AQR: variants seen among roughly 807,000 people sequenced by gnomAD.
The protein encoded by AQR is aquarius intron-binding spliceosomal factor.
In AQR, 61 loss-of-function variants were observed where a neutral mutation model predicts 180.5. The ratio of observed to expected loss-of-function variants is 0.34; its 90% CI spans 0.28 to 0.42. The LOEUF (loss-of-function observed/expected upper bound fraction) is 0.42, where lower values mean the gene tolerates loss of function less well. Ranked by LOEUF, AQR falls within the 10% of genes least tolerant of loss-of-function variation. The pLI, the probability that AQR is intolerant of heterozygous loss-of-function variation, is 1.00. For missense variants in AQR, 1,281 were observed against 1,798.3 expected (o/e 0.71, Z 5.20); for synonymous variants, 551 against 588.8 (o/e 0.94, Z 0.93).
chr15:34,952,809 C>G (rs183037799), intron 4 of AQR, 76 bp downstream of exon 4: 2 of 1,052,690 alleles, frequency 1.9e-6, no homozygotes, highest in Admixed American at 5.3e-5. Flanking sequence ...TAGTGACTCA[C>G]AGAAATAACA....
At chr15:34,889,229 T>C (rs1363630840) in intron 24 of AQR, among the ~76,000 whole-genome samples, 2 of 152,220 alleles carry the variant, frequency 1.3e-5, no homozygotes, top group African/African-American at 4.8e-5. Flanking sequence ...ATTAAGAATA[T>C]AGAGCCCTAA....
intron 7 of AQR, among the ~76,000 whole-genome samples, chr15:34,941,576 A>C (rs953967915): frequency 3.3e-5 from 5 of 152,210 alleles, no homozygotes; most frequent in Non-Finnish European, 5.9e-5. Flanking sequence ...GTTTTAACTA[A>C]ACTACCTAAG....
intron 2 of AQR, among the ~76,000 whole-genome samples, chr15:34,963,624 T>C (rs918442099): frequency 1.3e-5 from 2 of 151,934 alleles, no homozygotes; most frequent in African/African-American, 4.8e-5. Flanking sequence ...TAAGAATCTA[T>C]AAACAGAAAA....
At chr15:34,860,676 T>C (rs1227624994) in intron 33 of AQR, among the ~76,000 whole-genome samples, 1 of 152,182 alleles carries the variant, frequency 6.6e-6, no homozygotes, top group African/African-American at 2.4e-5. Context: ...AGAAAGAAAA[T>C]ATTAACACTC....
At chr15:34,907,296 G>C (rs183005759) in intron 17 of AQR, among the ~76,000 whole-genome samples, 5 of 152,296 alleles carry the variant, frequency 3.3e-5, no homozygotes, top group Admixed American at 3.3e-4. Flanking sequence ...TCAAGAAAAA[G>C]GAGACTTGTG....
chr15:34,963,032 A>G (rs2050288686), intron 2 of AQR, among the ~76,000 whole-genome samples: 1 of 152,182 alleles, frequency 6.6e-6, no homozygotes, highest in Non-Finnish European at 1.5e-5. Flanking sequence ...GCTGGAGTGC[A>G]GTGGCCTGAT....
intron 3 of AQR, among the ~76,000 whole-genome samples, chr15:34,958,974 T>TATATAGATATAGATATAGATATAG (rs11270252): frequency 3.3e-5 from 5 of 149,340 alleles, no homozygotes; most frequent in Admixed American, 2.0e-4. Flanking sequence ...TACATATAGA[T>TATATAGATATAGATATAGATATAG]ATATAGATAT....
At chr15:34,918,483 A>G in intron 14 of AQR, 105 bp from the exon 15 acceptor site, 3 of 1,348,668 alleles carry the variant, frequency 2.2e-6, no homozygotes, top group Non-Finnish European at 3.0e-6. Flanking sequence ...GTAGCAGTTC[A>G]ACAAGCGATT....
intron 30 of AQR, 53 bp downstream of exon 30, chr15:34,873,775 T>C: frequency 2.1e-6 from 3 of 1,441,792 alleles, no homozygotes; most frequent in Non-Finnish European, 2.8e-6. Flanking sequence ...GATTTAGGCA[T>C]ATGTCAGCCA....
Position 34,962,783 on chromosome 15 carries a change from T to A in AQR, c.132+1451A>T, listed in dbSNP as rs1013199450. 2.2e-4 allele frequency among the ~76,000 whole-genome samples: 33 copies of A among 150,832 alleles called. 1 individual carries two copies. Among genetic ancestry groups the A allele is most frequent in the African/African-American group, 6.3e-4 (26 of 41,090 alleles). ...AGACTCCACCTCCAAAAAAAAAAAA[T>A]AAATAAAAGATTACTGGCAAAAACA... On this transcript the variant is annotated intron_variant, in intron 2 of 34. Coordinates refer to ENST00000156471, the MANE Select transcript of AQR (RefSeq NM_014691.3).
At chr15:34,935,466 T>C (rs548478270) in intron 9 of AQR, among the ~76,000 whole-genome samples, 1 of 152,326 alleles carries the variant, frequency 6.6e-6, no homozygotes, top group South Asian at 2.1e-4. Flanking sequence ...GTGCCAGATC[T>C]ATAGAAGGCA....
chr15:34,864,503 T>C (rs1834442746), intron 32 of AQR, among the ~76,000 whole-genome samples: 1 of 152,218 alleles, frequency 6.6e-6, no homozygotes, highest in Admixed American at 6.5e-5. Flanking sequence ...GGGGTTATGC[T>C]ACAGTTGGGT....
intron 3 of AQR, among the ~76,000 whole-genome samples, chr15:34,960,089 C>A (rs2050265676): frequency 6.6e-6 from 1 of 152,232 alleles, no homozygotes. Flanking sequence ...TGAAGATGGC[C>A]TTTGACCCAT....
At chr15:34,934,808 C>G (rs1178081850) in intron 9 of AQR, among the ~76,000 whole-genome samples, 173 bp from the exon 10 acceptor site, 2 of 151,814 alleles carry the variant, frequency 1.3e-5, no homozygotes, top group African/African-American at 4.8e-5. Flanking sequence ...TTAAGGAAGG[C>G]CTTACCCTGA....
Position 34,934,558 on chromosome 15 carries a change from G to A in AQR, c.783+13C>T, listed in dbSNP as rs1358774078. On this transcript the variant is annotated intron_variant, in intron 10 of 34. Coordinates refer to ENST00000156471, the MANE Select transcript of AQR (RefSeq NM_014691.3). ...ATGATTATATAACAAAAAAGTCACG[G>A]TAGATTTCTTACCTCTAGATCAATC... 4 of 1,571,572 alleles carry A rather than the reference G, an allele frequency of 2.5e-6. No homozygotes were observed. The highest frequency in any genetic ancestry group is 2.8e-5 in the African/African-American group (2 of 72,618).
chr15:34,864,462 T>C (rs937438468), intron 32 of AQR, among the ~76,000 whole-genome samples: 3 of 152,212 alleles, frequency 2.0e-5, no homozygotes, highest in Non-Finnish European at 4.4e-5. Context: ...AGCCAAATTA[T>C]TATTTTCGCC....
chr15:34,909,564 A>C (rs1893469897), intron 17 of AQR, among the ~76,000 whole-genome samples: 1 of 152,214 alleles, frequency 6.6e-6, no homozygotes, highest in South Asian at 2.1e-4. Context: ...AGGCGCAAAT[A>C]AACTATTATT....
chr15:34,941,934 A>G, intron 7 of AQR, 78 bp downstream of exon 7: 1 of 1,084,752 alleles, frequency 9.2e-7, no homozygotes, highest in Non-Finnish European at 1.3e-6. Flanking sequence ...TTGTATATCC[A>G]GATTAAGGCT....
chr15:34,948,206 C>T, intron 5 of AQR, 58 bp downstream of exon 5: 3 of 1,569,744 alleles, frequency 1.9e-6, no homozygotes, highest in Admixed American at 1.9e-5. Flanking sequence ...AGTTCTGCCA[C>T]TTTGTAATGG....
Sources: allele counts gnomAD v4.1 joint callset (sites outside exome capture counted in the v4.1 genomes callset), GRCh38; gene constraint gnomAD v4.1.1; transcripts MANE v1.5; gene names NCBI Gene and HGNC (gene_info 2026-07-23, HGNC 2026-07-21).